Variants in DDX10 observed in about 807,000 individuals in gnomAD.
DDX10 encodes probable ATP-dependent RNA helicase DDX10.
In DDX10, 74 loss-of-function variants were observed where a neutral mutation model predicts 104.3. That is an observed-to-expected ratio of 0.71 (90% CI 0.59 to 0.86). The LOEUF (loss-of-function observed/expected upper bound fraction) is 0.86. Ranked by LOEUF, DDX10 falls within the 40% of genes least tolerant of loss-of-function variation. The probability of loss-of-function intolerance (pLI) is 0.00; values close to 1 mark genes in which losing one functional copy is unlikely to be tolerated. For missense variants in DDX10, 952 were observed against 1,040.0 expected, an observed-to-expected ratio of 0.92 and a Z score of 1.16; for synonymous variants, 351 against 353.4, an observed-to-expected ratio of 0.99 and a Z score of 0.08.
At chr11:108,861,192 C>T (rs1477570260) in intron 16 of DDX10, among the ~76,000 whole-genome samples, 1 of 151,746 alleles carries the variant, frequency 6.6e-6, no homozygotes, top group East Asian at 1.9e-4. Flanking sequence ...GCCTAGCCTC[C>T]CAGGCTACAT....
chr11:108,730,650 T>C (rs1024214610), intron 13 of DDX10, among the ~76,000 whole-genome samples: 1 of 152,192 alleles, frequency 6.6e-6, no homozygotes, highest in Non-Finnish European at 1.5e-5. Context: ...TCAAAAGGTA[T>C]TGTTGAACTT....
intron 16 of DDX10, among the ~76,000 whole-genome samples, chr11:108,864,475 C>T (rs563462278): frequency 6.6e-6 from 1 of 151,600 alleles, no homozygotes; most frequent in South Asian, 2.1e-4. Flanking sequence ...GTAGAATAAA[C>T]TTCTATACTT....
chr11:108,892,161 T>A (rs967671609), intron 16 of DDX10, among the ~76,000 whole-genome samples: 2 of 152,122 alleles, frequency 1.3e-5, no homozygotes, highest in Non-Finnish European at 2.9e-5. Context: ...GGTGTTTGGG[T>A]CTTGGGAGTG....
intron 13 of DDX10, among the ~76,000 whole-genome samples, chr11:108,724,009 GA>G (rs2094302126): frequency 1.3e-5 from 2 of 152,062 alleles, no homozygotes; most frequent in Non-Finnish European, 2.9e-5. Context: ...CTTCTAGGAG[GA>G]ACAAAAGAAA....
chr11:108,788,949 G>T (rs1861833273), intron 13 of DDX10, among the ~76,000 whole-genome samples: 1 of 152,126 alleles, frequency 6.6e-6, no homozygotes, highest in Non-Finnish European at 1.5e-5. Flanking sequence ...CATTTCCTTT[G>T]TTAGATGTTC....
chr11:108,777,424 G>A (rs1336406982), intron 13 of DDX10, among the ~76,000 whole-genome samples: 1 of 152,052 alleles, frequency 6.6e-6, no homozygotes, highest in Non-Finnish European at 1.5e-5. Context: ...CTGCCTCCTG[G>A]ATTCAAGCGA....
intron 13 of DDX10, among the ~76,000 whole-genome samples, chr11:108,815,369 G>T (rs2615757): frequency 8.6e-5 from 13 of 151,976 alleles, no homozygotes; most frequent in Middle Eastern, 3.4e-3. Flanking sequence ...GCATATGCAG[G>T]GGGTTGGTTC....
intron 16 of DDX10, among the ~76,000 whole-genome samples, chr11:108,910,258 T>A (rs560623326): frequency 6.6e-6 from 1 of 152,272 alleles, no homozygotes; most frequent in Admixed American, 6.5e-5. Flanking sequence ...AGATTCAGGG[T>A]GATGTAGGAG....
At chr11:108,859,019 G>A (rs1361837307) in intron 16 of DDX10, among the ~76,000 whole-genome samples, 3 of 152,330 alleles carry the variant, frequency 2.0e-5, no homozygotes, top group East Asian at 3.9e-4. Flanking sequence ...CAGTATCATG[G>A]TGAATGTTGC....
intron 17 of DDX10, among the ~76,000 whole-genome samples, chr11:108,939,332 C>T (rs955411687): frequency 6.6e-6 from 1 of 152,136 alleles, no homozygotes; most frequent in African/African-American, 2.4e-5. Flanking sequence ...TAATCTTGGT[C>T]CAGGCATTTA....
At chr11:108,726,489 T>C (rs569016784) in intron 13 of DDX10, among the ~76,000 whole-genome samples, 2 of 152,140 alleles carry the variant, frequency 1.3e-5, no homozygotes, top group Non-Finnish European at 2.9e-5. Context: ...AAAATTTCAA[T>C]TTCCAATTAT....
chr11:108,862,051 C>T (rs1442031399), intron 16 of DDX10, among the ~76,000 whole-genome samples: 1 of 152,164 alleles, frequency 6.6e-6, no homozygotes, highest in African/African-American at 2.4e-5. Flanking sequence ...CAAGGTCTCA[C>T]TCTGTTGCCC....
At chr11:108,767,500 G>C (rs1456229868) in intron 13 of DDX10, 1 of 152,148 alleles carries the variant, frequency 6.6e-6, no homozygotes, top group Admixed American at 6.5e-5. Context: ...ACCTACAGTG[G>C]GGATAAAGGC....
intron 16 of DDX10, among the ~76,000 whole-genome samples, chr11:108,911,553 C>CTTTTTTTTTTTTTTTTTTTTT (rs1565316439): frequency 8.5e-6 from 1 of 117,146 alleles, no homozygotes. Flanking sequence ...TTTGCCTCCT[C>CTTTTTTTTTTTTTTTTTTTTT]TTCTTTTTTT....
intron 13 of DDX10, among the ~76,000 whole-genome samples, chr11:108,830,468 G>C (rs1019471712): frequency 2.0e-5 from 3 of 152,106 alleles, no homozygotes; most frequent in African/African-American, 4.8e-5. Flanking sequence ...GTGTTTTCTA[G>C]TTATACAATC....
chr11:108,938,908 G>A (rs1864068918), intron 17 of DDX10, among the ~76,000 whole-genome samples: 1 of 152,220 alleles, frequency 6.6e-6, no homozygotes. Flanking sequence ...GCCGTTGGAA[G>A]TTGAGCAGTT....
At chr11:108,792,204 A>G (rs1462438984) in intron 13 of DDX10, among the ~76,000 whole-genome samples, 2 of 152,030 alleles carry the variant, frequency 1.3e-5, no homozygotes, top group Non-Finnish European at 2.9e-5. Flanking sequence ...AAGTTCTTGG[A>G]TTCTGTGGGT....
intron 16 of DDX10, among the ~76,000 whole-genome samples, chr11:108,879,902 T>G (rs1863204318): frequency 6.6e-6 from 1 of 152,220 alleles, no homozygotes; most frequent in African/African-American, 2.4e-5. Context: ...CAGGTTTTTA[T>G]AGATATTACT....
intron 16 of DDX10, among the ~76,000 whole-genome samples, chr11:108,878,424 A>G (rs906154258): frequency 7.2e-5 from 11 of 152,022 alleles, no homozygotes; most frequent in African/African-American, 2.7e-4. Context: ...TTTTTCACCT[A>G]TTTTTTGTGG....
Sources: gnomAD v4.1 joint callset for allele counts (sites outside exome capture counted in the v4.1 genomes callset) on GRCh38, gnomAD v4.1.1 for gene constraint, MANE v1.5 for transcripts, NCBI Gene and HGNC (gene_info 2026-07-23, HGNC 2026-07-21) for gene names.